Variants in MAML2 observed in about 807,000 individuals in gnomAD.
MAML2 encodes the protein mastermind-like protein 2.
In MAML2, 22 loss-of-function variants were observed where a neutral mutation model predicts 96.1. The ratio of observed to expected loss-of-function variants is 0.23; its 90% CI spans 0.16 to 0.33. The LOEUF (loss-of-function observed/expected upper bound fraction) is 0.33, where lower values mean the gene tolerates loss of function less well. Among genes scored for constraint, MAML2 ranks in the 10% least tolerant of loss-of-function variants. MAML2 has a pLI of 1.00. For missense variants in MAML2, 1,367 were observed against 1,392.4 expected, an observed-to-expected ratio of 0.98 and a Z score of 0.29; for synonymous variants, 561 against 521.3, an observed-to-expected ratio of 1.08 and a Z score of -1.04.
At chr11:96,081,463 T>C (rs1859528611) in intron 2 of MAML2, among the ~76,000 whole-genome samples, 1 of 152,212 alleles carries the variant, frequency 6.6e-6, no homozygotes, top group Non-Finnish European at 1.5e-5. Context: ...TGAATTTATT[T>C]CCAGGAAAAA....
intron 2 of MAML2, among the ~76,000 whole-genome samples, chr11:96,045,888 G>C (rs374725371): frequency 6.9e-6 from 1 of 144,574 alleles, no homozygotes; most frequent in East Asian, 2.0e-4. Flanking sequence ...TTTTCTCCCA[G>C]TCAGCACACT....
At chr11:96,327,490 C>T (rs1863801012) in intron 1 of MAML2, among the ~76,000 whole-genome samples, 1 of 152,106 alleles carries the variant, frequency 6.6e-6, no homozygotes, top group Non-Finnish European at 1.5e-5. Flanking sequence ...TGCAGTGGCA[C>T]AATCTCGGCT....
At chr11:96,072,056 T>C (rs1195339166) in intron 2 of MAML2, among the ~76,000 whole-genome samples, 1 of 152,232 alleles carries the variant, frequency 6.6e-6, no homozygotes, top group Non-Finnish European at 1.5e-5. Flanking sequence ...TTACAGGATG[T>C]AGAAATGTAC....
chr11:96,257,962 AC>A (rs1343357718), intron 1 of MAML2, among the ~76,000 whole-genome samples: 1 of 152,138 alleles, frequency 6.6e-6, no homozygotes, highest in African/African-American at 2.4e-5. Context: ...TAAAATGCCT[AC>A]AGATTTGCTT....
intron 1 of MAML2, among the ~76,000 whole-genome samples, chr11:96,197,692 C>T (rs956813361): frequency 1.3e-5 from 2 of 152,196 alleles, no homozygotes; most frequent in African/African-American, 4.8e-5. Flanking sequence ...GGATACCAGA[C>T]CCTACCTACT....
At chr11:96,119,958 AT>A (rs55920936) in intron 1 of MAML2, among the ~76,000 whole-genome samples, 68 of 135,860 alleles carry the variant, frequency 5.0e-4, no homozygotes, top group African/African-American at 1.7e-3. Flanking sequence ...GAAGATTCAG[AT>A]TTTTTTTTTT....
chr11:96,025,386 T>C (rs755477235), intron 2 of MAML2, among the ~76,000 whole-genome samples: 1 of 152,026 alleles, frequency 6.6e-6, no homozygotes, highest in Non-Finnish European at 1.5e-5. Flanking sequence ...CGACAGGTAC[T>C]GGGGACTACT....
In MAML2 at chr11:95,979,265, T is replaced by G. The variant is rs1174822498; in HGVS notation, c.3154A>C (p.Asn1052His). 5.6e-6 allele frequency: 9 copies of G among 1,613,880 alleles called. No individual in the cohort carries two copies. The highest frequency in any genetic ancestry group is 5.9e-6 in the Non-Finnish European group (7 of 1,179,900). Reference protein sequence around the residue: ...GPLRGLNLRPNQLSTQILPNL... With the variant: ...GPLRGLNLRPHQLSTQILPNL... ...GGCAAAATCTGTGTGCTTAGCTGAT[T>G]GGGTCTGAGATTCAGACCCCTGAGG... Residue 1052 changes from asparagine to histidine, a missense_variant, in exon 5 of 5, where the codon AAT becomes CAT. Physicochemically the swap from Asn to His is moderately conservative, Grantham distance 68. Coordinates refer to ENST00000524717, the MANE Select transcript of MAML2 (RefSeq NM_032427.4).
chr11:96,230,565 G>C (rs1196019771), intron 1 of MAML2, among the ~76,000 whole-genome samples: 1 of 152,180 alleles, frequency 6.6e-6, no homozygotes, highest in African/African-American at 2.4e-5. Flanking sequence ...CTTCAAATGG[G>C]TAAACGAATA....
At chr11:96,004,837 A>G (rs181442905) in intron 2 of MAML2, among the ~76,000 whole-genome samples, 4 of 152,294 alleles carry the variant, frequency 2.6e-5, no homozygotes, top group East Asian at 1.9e-4. Context: ...GGTGTTTGCT[A>G]TGGTTTTAAT....
chr11:96,324,890 C>T (rs921606058), intron 1 of MAML2, among the ~76,000 whole-genome samples: 6 of 152,156 alleles, frequency 3.9e-5, no homozygotes, highest in Non-Finnish European at 5.9e-5. Context: ...TTGTAGCCCT[C>T]GCTCCTCAGA....
chr11:96,269,217 G>T (rs975424843), intron 1 of MAML2, among the ~76,000 whole-genome samples: 1 of 144,682 alleles, frequency 6.9e-6, no homozygotes, highest in East Asian at 2.0e-4. Flanking sequence ...ACTGCATCAG[G>T]TAAGGGATTG....
chr11:96,255,450 A>G (rs1862650473), intron 1 of MAML2, among the ~76,000 whole-genome samples: 1 of 152,196 alleles, frequency 6.6e-6, no homozygotes, highest in African/African-American at 2.4e-5. Context: ...TATGTCAAAC[A>G]CTGTTGAGGA....
At chr11:96,255,991 A>C (rs2135969997) in intron 1 of MAML2, among the ~76,000 whole-genome samples, 1 of 147,290 alleles carries the variant, frequency 6.8e-6, no homozygotes, top group East Asian at 2.0e-4. Context: ...CTCCTCCCTC[A>C]GCTTCCCGAG....
At chr11:96,234,751 A>G (rs1862344131) in intron 1 of MAML2, among the ~76,000 whole-genome samples, 1 of 152,212 alleles carries the variant, frequency 6.6e-6, no homozygotes, top group South Asian at 2.1e-4. Context: ...CTGTACAAAT[A>G]TGGTTGCCTT....
At chr11:96,225,992 T>C (rs1263759177) in intron 1 of MAML2, among the ~76,000 whole-genome samples, 1 of 152,250 alleles carries the variant, frequency 6.6e-6, no homozygotes, top group Non-Finnish European at 1.5e-5. Context: ...CCACCTTTAG[T>C]TGATCACCAT....
intron 1 of MAML2, among the ~76,000 whole-genome samples, chr11:96,214,401 T>C (rs2135941207): frequency 6.6e-6 from 1 of 152,340 alleles, no homozygotes. Flanking sequence ...ATCTGTAAGA[T>C]GGAGGAAAGA....
At position 96,315,313 on chromosome 11, in the gene MAML2, A is replaced by G. The variant is rs144571834; in HGVS notation, c.513+26070T>C. Among the ~76,000 whole-genome samples, 942 of 152,194 alleles carry G rather than the reference A, an allele frequency of 6.2e-3. 9 individuals are homozygous for G. The highest frequency in any genetic ancestry group is 0.021 in the South Asian group (101 of 4,818). ...TTAACCTTAAAGGCTGGAAATGATA[A>G]CTCTAAACATTCCCTAAATAATCCA... On this transcript the variant is annotated intron_variant, in intron 1 of 4. Coordinates refer to ENST00000524717, the MANE Select transcript of MAML2 (RefSeq NM_032427.4).
chr11:96,061,909 G>A (rs1310815961), intron 2 of MAML2, among the ~76,000 whole-genome samples: 2 of 151,898 alleles, frequency 1.3e-5, no homozygotes, highest in East Asian at 1.9e-4. Flanking sequence ...TGAATCAGAT[G>A]TTTAACGTGA....
Sources: allele counts gnomAD v4.1 joint callset (sites outside exome capture counted in the v4.1 genomes callset), GRCh38; gene constraint gnomAD v4.1.1; transcripts MANE v1.5; gene names NCBI Gene and HGNC (gene_info 2026-07-23, HGNC 2026-07-21).